Variants in CDH2 observed in about 807,000 individuals in gnomAD.
CDH2 encodes the protein cadherin 2.
A neutral mutation model predicts 92.0 loss-of-function variants in CDH2; 17 were observed. The observed-to-expected ratio is 0.18, with a 90% CI of 0.13 to 0.28. The LOEUF (loss-of-function observed/expected upper bound fraction) is 0.28. CDH2 is among the 10% of genes least tolerant of loss of function. The pLI is 1.00. For synonymous variants in CDH2, 419 were observed against 415.9 expected (o/e 1.01, Z -0.09); for missense variants, 862 against 1,133.1 (o/e 0.76, Z 3.44).
At chr18:28,110,893 C>G (rs774914891) in intron 2 of CDH2, among the ~76,000 whole-genome samples, 1 of 152,018 alleles carries the variant, frequency 6.6e-6, no homozygotes, top group African/African-American at 2.4e-5. Context: ...TGGTTCTCTT[C>G]GCCAAGCCAC....
chr18:28,105,392 C>T (rs1385182535), intron 2 of CDH2, among the ~76,000 whole-genome samples: 1 of 151,962 alleles, frequency 6.6e-6, no homozygotes, highest in Non-Finnish European at 1.5e-5. Flanking sequence ...TCAGATAATT[C>T]AGAACACAAC....
At chr18:28,123,682 T>C (rs557763588) in intron 2 of CDH2, among the ~76,000 whole-genome samples, 3 of 152,278 alleles carry the variant, frequency 2.0e-5, no homozygotes, top group South Asian at 4.1e-4. Context: ...GCAGTGATGC[T>C]TGGAAGGGAA....
intron 15 of CDH2, among the ~76,000 whole-genome samples, chr18:27,960,019 A>AACACACACACACACAC (rs5823570): frequency 0.018 from 2,755 of 149,576 alleles, 32 homozygotes; most frequent in Non-Finnish European, 0.029. Flanking sequence ...TGTCTCTTAA[A>AACACACACACACACAC]ACACACACAC....
intron 14 of CDH2, among the ~76,000 whole-genome samples, chr18:27,966,820 C>T (rs1184846737): frequency 6.6e-6 from 1 of 152,068 alleles, no homozygotes; most frequent in Non-Finnish European, 1.5e-5. Context: ...CTTAAAACTT[C>T]GGTGGTCTTG....
intron 2 of CDH2, among the ~76,000 whole-genome samples, chr18:28,132,756 T>C (rs924820028): frequency 5.3e-5 from 8 of 152,214 alleles, no homozygotes; most frequent in Admixed American, 2.0e-4. Flanking sequence ...GCAACTGATT[T>C]CACACAAAAT....
In CDH2 at chr18:28,002,988, T is replaced by G. The variant is rs200385833; in HGVS notation, c.1020+9A>C. Reference sequence around the variant, plus strand: ...AAACAAACACAAATAGAGTTTTTGGTTGGCTTACTTCTCGATCAAGTCCAG... The same window carrying G: ...AAACAAACACAAATAGAGTTTTTGGGTGGCTTACTTCTCGATCAAGTCCAG... On this transcript the variant is annotated intron_variant, in intron 7 of 15. Coordinates refer to ENST00000269141, the MANE Select transcript of CDH2 (RefSeq NM_001792.5). The G allele has an allele frequency of 1.1e-5, 17 of 1,611,878 alleles. No individual in the cohort carries two copies. The highest frequency in any genetic ancestry group is 1.3e-5 in the Non-Finnish European group (15 of 1,178,222).
chr18:28,166,242 T>C (rs970472867), intron 1 of CDH2, among the ~76,000 whole-genome samples: 3 of 147,716 alleles, frequency 2.0e-5, no homozygotes, highest in Non-Finnish European at 4.5e-5. Flanking sequence ...CAGTATCTAT[T>C]ATATATGCAA....
intron 2 of CDH2, among the ~76,000 whole-genome samples, chr18:28,115,310 C>T (rs2015478697): frequency 6.6e-6 from 1 of 152,140 alleles, no homozygotes; most frequent in Non-Finnish European, 1.5e-5. Flanking sequence ...GGAAGTGGGG[C>T]ATGAGTCATA....
At chr18:28,119,121 T>G (rs921279417) in intron 2 of CDH2, among the ~76,000 whole-genome samples, 2 of 152,120 alleles carry the variant, frequency 1.3e-5, no homozygotes, top group Non-Finnish European at 2.9e-5. Context: ...GTGGGTTATG[T>G]TCAGGGAAAA....
At chr18:27,987,726 T>C (rs2012281707) in intron 11 of CDH2, among the ~76,000 whole-genome samples, 1 of 152,172 alleles carries the variant, frequency 6.6e-6, no homozygotes, top group African/African-American at 2.4e-5. Context: ...TATGTAGAAG[T>C]CATTACATTT....
intron 2 of CDH2, among the ~76,000 whole-genome samples, chr18:28,087,017 G>T (rs547546509): frequency 1.1e-4 from 16 of 152,234 alleles, no homozygotes; most frequent in African/African-American, 3.6e-4. Context: ...GGCTAGTTAT[G>T]CCCAGAGTGA....
intron 14 of CDH2, among the ~76,000 whole-genome samples, chr18:27,970,899 T>G (rs2011639882): frequency 6.6e-6 from 1 of 152,142 alleles, no homozygotes; most frequent in Non-Finnish European, 1.5e-5. Context: ...ATGGCCATGC[T>G]CCAGTAAACT....
chr18:28,093,153 T>C (rs1200170555), intron 2 of CDH2, among the ~76,000 whole-genome samples: 2 of 152,122 alleles, frequency 1.3e-5, no homozygotes, highest in Non-Finnish European at 2.9e-5. Context: ...TAAAATACAA[T>C]TGATGACTAT....
intron 2 of CDH2, among the ~76,000 whole-genome samples, chr18:28,053,581 C>A (rs1379884114): frequency 6.6e-6 from 1 of 152,194 alleles, no homozygotes; most frequent in African/African-American, 2.4e-5. Flanking sequence ...TCACTGGAAG[C>A]AGCCAACTGA....
At chr18:28,094,710 C>A (rs112693589) in intron 2 of CDH2, among the ~76,000 whole-genome samples, 2 of 145,008 alleles carry the variant, frequency 1.4e-5, no homozygotes, top group Non-Finnish European at 3.0e-5. Flanking sequence ...AGGAGAATGG[C>A]GTGAACCCGG....
intron 2 of CDH2, among the ~76,000 whole-genome samples, chr18:28,137,329 G>T (rs2015879379): frequency 1.3e-5 from 2 of 152,094 alleles, no homozygotes; most frequent in African/African-American, 4.8e-5. Flanking sequence ...TAGCATCAAA[G>T]ATGATTCCAT....
intron 2 of CDH2, among the ~76,000 whole-genome samples, chr18:28,074,670 A>C (rs1044440015): frequency 1.3e-5 from 2 of 149,162 alleles, no homozygotes; most frequent in African/African-American, 4.9e-5. Flanking sequence ...AATATAATTT[A>C]ACTCCTAACT....
chr18:28,132,151 T>C (rs2015782721), intron 2 of CDH2, among the ~76,000 whole-genome samples: 1 of 152,108 alleles, frequency 6.6e-6, no homozygotes, highest in Non-Finnish European at 1.5e-5. Context: ...AGCCTCTCAT[T>C]CCCCCAAAGT....
At chr18:28,041,648 A>G (rs547482122) in intron 2 of CDH2, among the ~76,000 whole-genome samples, 3 of 152,184 alleles carry the variant, frequency 2.0e-5, no homozygotes, top group Admixed American at 1.3e-4. Flanking sequence ...CTTCTTTCAG[A>G]CGAATCATTC....
Sources: allele counts gnomAD v4.1 joint callset (sites outside exome capture counted in the v4.1 genomes callset), GRCh38; gene constraint gnomAD v4.1.1; transcripts MANE v1.5; gene names NCBI Gene and HGNC (gene_info 2026-07-23, HGNC 2026-07-21).